The following IKBKB-DT variants were observed in gnomAD, a reference collection of about 807,000 sequenced individuals.
IKBKB-DT encodes IKBKB divergent transcript.
intron 3 of IKBKB-DT, among the ~76,000 whole-genome samples, chr8:42,243,466 C>T (rs1807028447): frequency 1.3e-5 from 2 of 152,200 alleles, no homozygotes; most frequent in Non-Finnish European, 2.9e-5. Flanking sequence ...GGTTACAGAT[C>T]TGTGTTCTCA....
intron 3 of IKBKB-DT, among the ~76,000 whole-genome samples, chr8:42,241,224 C>CTTGTTT (rs1806998559): frequency 2.2e-5 from 1 of 45,678 alleles, no homozygotes; most frequent in Admixed American, 4.3e-4. Context: ...ATGTTGGAAT[C>CTTGTTT]TTTTTTTTTT....
intron 3 of IKBKB-DT, among the ~76,000 whole-genome samples, chr8:42,244,878 G>A (rs761376083): frequency 7.9e-5 from 12 of 152,170 alleles, no homozygotes; most frequent in Non-Finnish European, 1.5e-4. Flanking sequence ...CTCTTCTGTG[G>A]CATTTGAGAG....
At chr8:42,252,644 G>A (rs1807143886) in intron 3 of IKBKB-DT, among the ~76,000 whole-genome samples, 1 of 152,232 alleles carries the variant, frequency 6.6e-6, no homozygotes, top group Non-Finnish European at 1.5e-5. Flanking sequence ...TGGGATTACA[G>A]GCGTGAGCCA....
intron 3 of IKBKB-DT, among the ~76,000 whole-genome samples, chr8:42,247,801 A>G (rs1206363977): frequency 6.6e-6 from 1 of 152,128 alleles, no homozygotes; most frequent in African/African-American, 2.4e-5. Flanking sequence ...TGCCTTGTGA[A>G]GAAAGTGCCT....
intron 3 of IKBKB-DT, among the ~76,000 whole-genome samples, chr8:42,236,105 A>G (rs992530681): frequency 4.6e-5 from 7 of 152,180 alleles, no homozygotes; most frequent in African/African-American, 1.7e-4. Context: ...TGGAACATTC[A>G]TATTAATAAC....
chr8:42,268,078 T>G (rs1232244256), intron 1 of IKBKB-DT, among the ~76,000 whole-genome samples: 2 of 152,082 alleles, frequency 1.3e-5, no homozygotes, highest in African/African-American at 2.4e-5. Flanking sequence ...TTTATGACAT[T>G]GTACTGGAAA....
intron 1 of IKBKB-DT, among the ~76,000 whole-genome samples, chr8:42,267,492 A>C (rs1299586901): frequency 6.6e-6 from 1 of 151,966 alleles, no homozygotes; most frequent in Non-Finnish European, 1.5e-5. Flanking sequence ...TCCTTACTTC[A>C]TGGCTCCCTG....
chr8:42,242,557 G>A (rs1243007700), intron 3 of IKBKB-DT, among the ~76,000 whole-genome samples: 2 of 152,214 alleles, frequency 1.3e-5, no homozygotes, highest in African/African-American at 4.8e-5. Context: ...TCTGTAGAGA[G>A]TGGGGAGTGT....
chr8:42,241,221 AATCTTTTTTTTTTTTT>A, intron 3 of IKBKB-DT, among the ~76,000 whole-genome samples: 1 of 93,450 alleles, frequency 1.1e-5, no homozygotes, highest in Admixed American at 1.4e-4. Context: ...GATATGTTGG[AATCTTTTTTTTTTTTT>A]TTTTTTTTTT....
chr8:42,253,735 G>C (rs1002391536), intron 3 of IKBKB-DT, among the ~76,000 whole-genome samples: 1 of 152,168 alleles, frequency 6.6e-6, no homozygotes, highest in African/African-American at 2.4e-5. Flanking sequence ...TCTGCAGAAA[G>C]GGTACACTCG....
At position 42,268,849 on chromosome 8, in the gene IKBKB-DT, G is replaced by A. The variant is rs140106940; in HGVS notation, n.603+1802C>T. Among the ~76,000 whole-genome samples the A allele has an allele frequency of 2.8e-3, 422 of 152,272 alleles. 4 individuals carry two copies. The highest frequency in any genetic ancestry group is 0.024 in the Middle Eastern group (7 of 294). ...CCCAAAGTGCTGGGATTACAGGCAT[G>A]AGCCACCTCACCTGGCCAATAAATA... is the stretch of plus-strand genomic sequence containing the variant. On this transcript the variant is annotated intron_variant and non_coding_transcript_variant, in intron 1 of 3. Coordinates refer to ENST00000518213, the Ensembl canonical transcript of IKBKB-DT.
intron 3 of IKBKB-DT, among the ~76,000 whole-genome samples, chr8:42,240,612 A>G (rs113024965): frequency 0.17 from 23,760 of 137,512 alleles, 2,474 homozygotes; most frequent in African/African-American, 0.26. Flanking sequence ...GCGACAGAGC[A>G]AGACTCAGTC....
intron 3 of IKBKB-DT, among the ~76,000 whole-genome samples, chr8:42,254,370 GC>G (rs1272766567): frequency 2.0e-5 from 3 of 152,208 alleles, no homozygotes; most frequent in Admixed American, 6.6e-5. Flanking sequence ...AATCATATAG[GC>G]TCTTGGCCAC....
At chr8:42,270,133 C>G (rs1807532379) in intron 1 of IKBKB-DT, among the ~76,000 whole-genome samples, 1 of 152,188 alleles carries the variant, frequency 6.6e-6, no homozygotes, top group Non-Finnish European at 1.5e-5. Flanking sequence ...GGATTAAGAA[C>G]CCGGGAACCA....
chr8:42,237,571 A>C (rs966944841), intron 3 of IKBKB-DT, among the ~76,000 whole-genome samples: 6 of 151,910 alleles, frequency 3.9e-5, no homozygotes, highest in Middle Eastern at 3.4e-3. Context: ...GGGCCTTAGG[A>C]TCTTATTTTT....
intron 3 of IKBKB-DT, among the ~76,000 whole-genome samples, chr8:42,242,591 A>G (rs1014200994): frequency 6.6e-6 from 1 of 152,138 alleles, no homozygotes; most frequent in African/African-American, 2.4e-5. Flanking sequence ...ATCTTCTGCC[A>G]CCCTGTACAG....
At chr8:42,239,332 G>A (rs1172675517) in intron 3 of IKBKB-DT, among the ~76,000 whole-genome samples, 7 of 151,548 alleles carry the variant, frequency 4.6e-5, no homozygotes, top group Admixed American at 2.6e-4. Flanking sequence ...TCTCCTTCTC[G>A]CTCCCTTTAG....
At chr8:42,238,949 G>T (rs917878979) in intron 3 of IKBKB-DT, among the ~76,000 whole-genome samples, 1 of 152,050 alleles carries the variant, frequency 6.6e-6, no homozygotes, top group African/African-American at 2.4e-5. Context: ...TGCTTGGCGA[G>T]CTTTGAATTA....
intron 3 of IKBKB-DT, among the ~76,000 whole-genome samples, chr8:42,239,086 C>T (rs573803375): frequency 2.0e-4 from 30 of 152,270 alleles, no homozygotes; most frequent in African/African-American, 7.0e-4. Flanking sequence ...GATGAGGTAG[C>T]TCCTCCTCCC....
Sources: allele counts gnomAD v4.1 joint callset (sites outside exome capture counted in the v4.1 genomes callset), GRCh38; gene constraint gnomAD v4.1.1; transcripts MANE v1.5; gene names NCBI Gene and HGNC (gene_info 2026-07-23, HGNC 2026-07-21).